The following ZYG11B variants were observed in gnomAD, a reference collection of about 807,000 sequenced individuals.
ZYG11B encodes protein zyg-11 homolog B.
A neutral mutation model predicts 82.4 loss-of-function variants in ZYG11B; 36 were observed. That is an observed-to-expected ratio of 0.44 (90% CI 0.33 to 0.58). The LOEUF is 0.58. Ranked by LOEUF, ZYG11B falls within the 20% of genes least tolerant of loss-of-function variation. ZYG11B has a pLI of 0.02. For synonymous variants in ZYG11B, 303 were observed against 312.8 expected (o/e 0.97, Z 0.33); for missense variants, 552 against 895.6 (o/e 0.62, Z 4.90).
intron 4 of ZYG11B, among the ~76,000 whole-genome samples, chr1:52,784,290 C>A (rs1029660313): frequency 1.3e-5 from 2 of 152,102 alleles, no homozygotes; most frequent in Non-Finnish European, 2.9e-5. Context: ...CCATGCCTGG[C>A]CCCCAGTGAA....
chr1:52,734,000 TG>T (rs1209680300), intron 1 of ZYG11B, among the ~76,000 whole-genome samples: 1 of 152,136 alleles, frequency 6.6e-6, no homozygotes. Context: ...AATTTTTTTT[TG>T]TTTTGTTTTT....
intron 8 of ZYG11B, among the ~76,000 whole-genome samples, 166 bp downstream of exon 8, chr1:52,796,950 A>AT (rs1645015919): frequency 1.1e-5 from 1 of 94,612 alleles, no homozygotes; most frequent in Admixed American, 1.9e-4. Flanking sequence ...TATAATGTAT[A>AT]ATTATATATT....
At position 52,771,662 on chromosome 1, in the gene ZYG11B, C is replaced by A. The variant is rs1416422599; in HGVS notation, c.839C>A (p.Thr280Lys). ...SLDVSGRKHVTDKAVEAFIQQ... is the reference protein window; with the variant it reads ...SLDVSGRKHVKDKAVEAFIQQ... ...GATGTTTCTGGGAGAAAGCACGTGA[C>A]AGATAAAGCCGTTGAAGCCTTTATA... is the stretch of plus-strand genomic sequence containing the variant. The change falls in exon 3 of 14, where the codon ACA (threonine) becomes AAA (lysine). Residue 280 changes from threonine (T) to lysine (K), a missense_variant. Physicochemically the swap from Thr to Lys is moderately conservative, Grantham distance 78. Coordinates refer to ENST00000294353, the MANE Select transcript of ZYG11B (RefSeq NM_024646.3). The surrounding 1 kb of genome is among the most constrained non-coding windows in gnomAD (Gnocchi z 5.4). 1 of 1,614,220 alleles carries A rather than the reference C, an allele frequency of 6.2e-7. No individual in the cohort carries two copies.
chr1:52,803,087 C>CATATATATATATATATAT lies in ZYG11B; in HGVS notation c.1695+959_1695+960insTATATATATATATATATA, dbSNP rs1232248742. ...TTGCCACTATATATATATATATACA[C>CATATATATATATATATAT]ATATATATATACATATATATATATA... is the stretch of plus-strand genomic sequence containing the variant. On this transcript the variant is annotated intron_variant, in intron 10 of 13. Coordinates refer to ENST00000294353, the MANE Select transcript of ZYG11B (RefSeq NM_024646.3). Among the ~76,000 whole-genome samples, 71 of 22,534 alleles carry CATATATATATATATATAT rather than the reference C, an allele frequency of 3.2e-3. 7 individuals are homozygous for CATATATATATATATATAT. The highest frequency in any genetic ancestry group is 0.027 in the South Asian group (14 of 522). The allele number at this position is 22,534 out of a possible 152,430, so 14.8% of individuals were successfully genotyped here.
rs1422122573 is a variant in ZYG11B, at chr1:52,752,855, T to C, written c.31-3603T>C. On this transcript the variant is annotated intron_variant, in intron 1 of 13. Coordinates refer to ENST00000294353, the MANE Select transcript of ZYG11B (RefSeq NM_024646.3). ...AAAACAATTCGGACCATTTTTTTTT[T>C]CTTGGGGTGGGGTACAGAGTCTCGC... Among the ~76,000 whole-genome samples the C allele has an allele frequency of 2.0e-5, 3 of 151,682 alleles. 1 individual carries two copies. The highest frequency in any genetic ancestry group is 4.4e-5 in the Non-Finnish European group (3 of 67,938).
intron 10 of ZYG11B, among the ~76,000 whole-genome samples, chr1:52,811,656 C>T (rs1645183744): frequency 6.6e-6 from 1 of 152,040 alleles, no homozygotes; most frequent in South Asian, 2.1e-4. Flanking sequence ...TTTCCGGAAG[C>T]ATCTCATCTG....
intron 3 of ZYG11B, chr1:52,772,734 GT>G (rs1373661951): frequency 1.5e-6 from 1 of 649,506 alleles, no homozygotes; most frequent in Non-Finnish European, 2.8e-6. Flanking sequence ...CTGGAGTGCA[GT>G]GGCGCTATCT....
intron 10 of ZYG11B, among the ~76,000 whole-genome samples, chr1:52,807,532 C>T (rs989000892): frequency 2.0e-5 from 3 of 146,530 alleles, no homozygotes; most frequent in African/African-American, 5.1e-5. Flanking sequence ...CACTCTGTCA[C>T]CCAGGCTGGA....
At chr1:52,784,822 T>G in intron 4 of ZYG11B, 55 bp from the exon 5 acceptor site, 1 of 1,553,270 alleles carries the variant, frequency 6.4e-7, no homozygotes, top group Non-Finnish European at 8.8e-7. Flanking sequence ...TTCTGCTCTG[T>G]GAAGAGGGCT....
rs1309741625 is a variant in ZYG11B at position 52,821,619 on chromosome 1, G to A, written c.2225G>A (p.Arg742Lys). ...CCCTGTAAAAAACAGCCCCAAGCCA[G>A]ACTAAATTGATAGCCATAAGTATTG... ...PPPCKKQPQA[R>K]LN Residue 742 changes from arginine (R) to lysine (K), a missense_variant, in exon 14 of 14, where the codon AGA becomes AAA. Physicochemically the swap from Arg to Lys is conservative, Grantham distance 26 (BLOSUM62 2). This residue lies in a region of ZYG11B where 127 missense variants were observed against 163.4 expected (regional missense o/e 0.78). Transcript: ENST00000294353. 3 of 1,609,556 alleles carry A rather than the reference G, an allele frequency of 1.9e-6. No homozygotes were observed. In the South Asian group the frequency reaches 3.3e-5, roughly 18 times the overall value.
intron 2 of ZYG11B, among the ~76,000 whole-genome samples, chr1:52,761,597 C>A (rs1334865147): frequency 6.6e-6 from 1 of 152,182 alleles, no homozygotes; most frequent in Non-Finnish European, 1.5e-5. Context: ...TTATTGGACA[C>A]ATAGATTGAT....
intron 10 of ZYG11B, among the ~76,000 whole-genome samples, chr1:52,810,107 T>A (rs1645170774): frequency 6.6e-6 from 1 of 152,196 alleles, no homozygotes; most frequent in Non-Finnish European, 1.5e-5. Context: ...GATCACTTGC[T>A]TTTTATGATT....
chr1:52,826,935 T>TGAAAGCTGAGACACTTTAA lies in ZYG11B; in HGVS notation c.*5306_*5307insGAAAGCTGAGACACTTTAA, dbSNP rs1645330148. ...AGCTAATGAAAGCTGAGACACTTTA[T>TGAAAGCTGAGACACTTTAA]TAAAAGCAGGATCTTAAGAGCATTG... On this transcript the variant is annotated 3_prime_UTR_variant, in exon 14 of 14. Coordinates refer to ENST00000294353, the MANE Select transcript of ZYG11B (RefSeq NM_024646.3). 6.6e-6 allele frequency: 1 copy of TGAAAGCTGAGACACTTTAA among 151,986 alleles called. No homozygotes were observed. The highest frequency in any genetic ancestry group is 6.6e-5 in the Admixed American group (1 of 15,254). 9.4% of individuals were successfully genotyped at this position (151,986 alleles called of 1,614,324 possible). A position where few individuals can be genotyped will look rare whatever the true frequency, so the allele number is the denominator to read the frequency against.
chr1:52,803,223 TAC>T (rs566197904), intron 10 of ZYG11B, among the ~76,000 whole-genome samples: 9,421 of 70,962 alleles, frequency 0.13, 1,282 homozygotes, highest in East Asian at 0.39. Flanking sequence ...TATATATATA[TAC>T]ACACATATAT....
chr1:52,733,045 A>G (rs1163852555), intron 1 of ZYG11B, among the ~76,000 whole-genome samples: 2 of 152,206 alleles, frequency 1.3e-5, no homozygotes, highest in Admixed American at 6.5e-5. Context: ...CGTGGAAGCA[A>G]TTGTATACAA....
intron 1 of ZYG11B, among the ~76,000 whole-genome samples, chr1:52,750,638 A>G (rs1644514045): frequency 6.6e-6 from 1 of 152,196 alleles, no homozygotes; most frequent in South Asian, 2.1e-4. Context: ...TTCACCTATT[A>G]AAGTGTACCC....
At chr1:52,801,085 A>AATTTCAAAGCTATTATCTTCTTGT (rs1418448719) in intron 8 of ZYG11B, among the ~76,000 whole-genome samples, 1 of 152,112 alleles carries the variant, frequency 6.6e-6, no homozygotes, top group Non-Finnish European at 1.5e-5. Context: ...TTGCACCTGG[A>AATTTCAAAGCTATTATCTTCTTGT]ATTTCAAAGC....
intron 1 of ZYG11B, among the ~76,000 whole-genome samples, chr1:52,741,737 T>A (rs553866255): frequency 6.6e-6 from 1 of 152,316 alleles, no homozygotes; most frequent in South Asian, 2.1e-4. Context: ...TATATGCCAG[T>A]TACTGTTCTT....
In ZYG11B at chr1:52,821,429, TC is replaced by T; in HGVS notation, c.2045-9del. The T allele has an allele frequency of 1.3e-6, 2 of 1,526,686 alleles. No individual in the cohort carries two copies. The highest frequency in any genetic ancestry group is 2.5e-5 in the South Asian group (2 of 78,582). The allele number at this position is 1,526,686 out of a possible 1,614,324, so 94.6% of individuals were successfully genotyped here. A position where few individuals can be genotyped will look rare whatever the true frequency, so the allele number is the denominator to read the frequency against. ...CTCCTGTTTTGTGTGTGTTTTTTTT[TC>T]TTTTTCAGCTTCAAGGTATTGCAGC... On this transcript the variant is annotated splice_polypyrimidine_tract_variant and intron_variant, in intron 13 of 13. Transcript: ENST00000294353.
Sources: allele counts gnomAD v4.1 joint callset (sites outside exome capture counted in the v4.1 genomes callset), GRCh38; gene constraint gnomAD v4.1.1; regional missense constraint gnomAD v4.1.1; non-coding constraint Gnocchi (gnomAD v3.1); transcripts MANE v1.5; gene names NCBI Gene and HGNC (gene_info 2026-07-23, HGNC 2026-07-21).